The following MTUS2 variants were observed in gnomAD, a reference collection of about 807,000 sequenced individuals.
MTUS2 encodes microtubule-associated tumor suppressor candidate 2.
Under a neutral mutation model 114.1 loss-of-function variants are expected in MTUS2, and 40 were observed. That is an observed-to-expected ratio of 0.35 (90% confidence interval 0.27 to 0.46). The LOEUF (loss-of-function observed/expected upper bound fraction) is 0.46, where lower values mean the gene tolerates loss of function less well. Among genes scored for constraint, MTUS2 ranks in the 20% least tolerant of loss-of-function variants. The probability of loss-of-function intolerance (pLI) is 1.00; values close to 1 mark genes in which losing one functional copy is unlikely to be tolerated. For missense variants in MTUS2, 1,679 were observed against 1,705.4 expected (o/e 0.98, Z 0.27); for synonymous variants, 688 against 672.0 (o/e 1.02, Z -0.37).
intron 14 of MTUS2, 104 bp downstream of exon 14, chr13:29,498,641 C>G: frequency 6.9e-7 from 1 of 1,455,796 alleles, no homozygotes; most frequent in Non-Finnish European, 9.4e-7. Flanking sequence ...CCTTACCTGC[C>G]CATTGCTTAC....
rs1042010072 is a variant in MTUS2 at position 29,503,275 on chromosome 13, C to G, written c.*69C>G. 2.3e-5 allele frequency: 36 copies of G among 1,548,504 alleles called. No individual in the cohort carries two copies. The highest frequency in any genetic ancestry group is 1.1e-4 in the African/African-American group (8 of 73,442). On this transcript the variant is annotated 3_prime_UTR_variant, in exon 16 of 16. Transcript: ENST00000612955. ...GTCTCCACCCTGAGGGAGCACCGACCCGGTGCCGCCGGAGCTGGCCCTGTG... is the reference window on the plus strand; with the variant it reads ...GTCTCCACCCTGAGGGAGCACCGACGCGGTGCCGCCGGAGCTGGCCCTGTG...
At chr13:29,149,595 A>G (rs558716198) in intron 5 of MTUS2, among the ~76,000 whole-genome samples, 1 of 152,306 alleles carries the variant, frequency 6.6e-6, no homozygotes, top group African/African-American at 2.4e-5. Flanking sequence ...ATCTTTGCCC[A>G]TGCCTATGTC....
chr13:29,418,191 T>G (rs1875815375), intron 8 of MTUS2, among the ~76,000 whole-genome samples: 1 of 152,170 alleles, frequency 6.6e-6, no homozygotes, highest in East Asian at 1.9e-4. Flanking sequence ...TTATTTCTTT[T>G]CTCCCAGTGA....
chr13:29,370,359 G>A (rs1871098277), intron 8 of MTUS2, among the ~76,000 whole-genome samples: 1 of 152,058 alleles, frequency 6.6e-6, no homozygotes, highest in African/African-American at 2.4e-5. Context: ...CTACTCAGGA[G>A]GCTGAGGCAG....
chr13:28,967,180 A>G (rs1474436429), intron 2 of MTUS2, among the ~76,000 whole-genome samples: 1 of 152,208 alleles, frequency 6.6e-6, no homozygotes, highest in Non-Finnish European at 1.5e-5. Flanking sequence ...GGTCAGTAGC[A>G]TCATTGAAGA....
chr13:29,033,669 C>G (rs915114005), intron 3 of MTUS2, among the ~76,000 whole-genome samples: 3 of 151,994 alleles, frequency 2.0e-5, no homozygotes, highest in Non-Finnish European at 2.9e-5. Flanking sequence ...ACTATAGATT[C>G]TAGAGTAGTA....
chr13:29,020,404 T>G (rs923669504), intron 2 of MTUS2, among the ~76,000 whole-genome samples: 2 of 152,164 alleles, frequency 1.3e-5, no homozygotes, highest in African/African-American at 4.8e-5. Flanking sequence ...TGAAAACGTT[T>G]ATCTTAGTAG....
chr13:29,359,507 T>G, intron 8 of MTUS2, 34 bp downstream of exon 8: 1 of 1,584,540 alleles, frequency 6.3e-7, no homozygotes, highest in Non-Finnish European at 8.6e-7. Context: ...CCAAGGGCAT[T>G]TTGGTTGGAG....
At chr13:28,832,156 A>G (rs1164500011) in intron 1 of MTUS2, among the ~76,000 whole-genome samples, 1 of 152,182 alleles carries the variant, frequency 6.6e-6, no homozygotes, top group Non-Finnish European at 1.5e-5. Context: ...GCAACTTTAT[A>G]AGCCAACTGG....
At chr13:29,338,422 A>G (rs1440003603) in intron 7 of MTUS2, among the ~76,000 whole-genome samples, 1 of 112,202 alleles carries the variant, frequency 8.9e-6, no homozygotes, top group Non-Finnish European at 2.1e-5. Context: ...CCCAGTCTCT[A>G]TTAAAATACA....
At chr13:29,117,197 AG>A (rs910724025) in intron 5 of MTUS2, among the ~76,000 whole-genome samples, 1 of 152,212 alleles carries the variant, frequency 6.6e-6, no homozygotes, top group Non-Finnish European at 1.5e-5. Context: ...CTTTCTTGAT[AG>A]CCCCTCAGCT....
At chr13:28,820,132 C>T (rs1240733803), upstream of MTUS2, among the ~76,000 whole-genome samples, 2 of 146,928 alleles carry the variant, frequency 1.4e-5, no homozygotes, top group Non-Finnish European at 3.0e-5. Flanking sequence ...GCCGCCGGCC[C>T]CGCGGCTTCT....
intron 4 of MTUS2, among the ~76,000 whole-genome samples, chr13:29,049,977 C>T (rs1887814466): frequency 1.3e-5 from 2 of 152,154 alleles, no homozygotes; most frequent in Non-Finnish European, 1.5e-5. Flanking sequence ...CTGTGAGTAG[C>T]GAGATTTCCC....
At chr13:29,307,205 GC>G in intron 6 of MTUS2, 1 of 550,920 alleles carries the variant, frequency 1.8e-6, no homozygotes, top group South Asian at 1.7e-5. Flanking sequence ...TATGACAGCA[GC>G]CTCAAGATCA....
At chr13:29,326,886 A>G (rs1367434533) in intron 7 of MTUS2, among the ~76,000 whole-genome samples, 1 of 152,166 alleles carries the variant, frequency 6.6e-6, no homozygotes, top group Non-Finnish European at 1.5e-5. Flanking sequence ...AAGCTGAGGC[A>G]GGAGTATCAT....
Position 29,306,326 on chromosome 13 carries a change from T to G in MTUS2, c.2807-18287T>G, listed in dbSNP as rs568657604. ...GAGAATGAAATAAAGATTATTCAGATAGGAAGAGATGAAGTCAAAGTATCT... is the reference window on the plus strand; with the variant it reads ...GAGAATGAAATAAAGATTATTCAGAGAGGAAGAGATGAAGTCAAAGTATCT... On this transcript the variant is annotated intron_variant, in intron 6 of 15. Coordinates refer to ENST00000612955, the MANE Select transcript of MTUS2 (RefSeq NM_001033602.4). Among the ~76,000 whole-genome samples, 7 of 152,280 alleles carry G rather than the reference T, an allele frequency of 4.6e-5. No individual in the cohort carries two copies. In the East Asian group the frequency reaches 1.2e-3, roughly 25 times the overall value.
chr13:29,206,032 A>G (rs767475947), intron 5 of MTUS2, among the ~76,000 whole-genome samples: 3 of 152,160 alleles, frequency 2.0e-5, no homozygotes, highest in Non-Finnish European at 4.4e-5. Context: ...CATCAGCAAT[A>G]TACAAGTGTT....
At chr13:29,021,983 G>C (rs74041706) in intron 2 of MTUS2, among the ~76,000 whole-genome samples, 2 of 152,106 alleles carry the variant, frequency 1.3e-5, no homozygotes, top group African/African-American at 4.8e-5. Context: ...GCATGAGAGC[G>C]GGGAGGATGA....
intron 2 of MTUS2, among the ~76,000 whole-genome samples, chr13:28,915,403 C>T (rs1467278765): frequency 6.6e-6 from 1 of 151,958 alleles, no homozygotes; most frequent in Non-Finnish European, 1.5e-5. Context: ...TACTAATTTA[C>T]ATTTCAACCA....
Sources: gnomAD v4.1 joint callset for allele counts (sites outside exome capture counted in the v4.1 genomes callset) on GRCh38, gnomAD v4.1.1 for gene constraint, MANE v1.5 for transcripts, NCBI Gene and HGNC (gene_info 2026-07-23, HGNC 2026-07-21) for gene names.